MCC: variants seen among roughly 807,000 people sequenced by gnomAD.
The protein encoded by MCC is MCC regulator of Wnt signaling pathway.
A neutral mutation model predicts 116.2 loss-of-function variants in MCC; 90 were observed. The observed-to-expected ratio is 0.77, with a 90% CI of 0.65 to 0.92. The LOEUF is 0.92. Ranked by LOEUF, MCC falls within the 40% of genes least tolerant of loss-of-function variation. MCC has a pLI of 0.00. For missense variants in MCC, 1,516 were observed against 1,312.2 expected, an observed-to-expected ratio of 1.16 and a Z score of -2.40; for synonymous variants, 578 against 510.5, an observed-to-expected ratio of 1.13 and a Z score of -1.78.
At chr5:113,258,727 G>A (rs879033380) in intron 3 of MCC, among the ~76,000 whole-genome samples, 1 of 152,174 alleles carries the variant, frequency 6.6e-6, no homozygotes, top group Admixed American at 6.5e-5. Context: ...TTTAGTTTGT[G>A]GTGGCAGTAA....
intron 6 of MCC, among the ~76,000 whole-genome samples, chr5:113,110,045 C>T (rs1273725007): frequency 6.6e-6 from 1 of 152,122 alleles, no homozygotes; most frequent in African/African-American, 2.4e-5. Flanking sequence ...GAACGAACTC[C>T]TGGGCTCAAT....
At chr5:113,470,547 A>T (rs1479305379) in intron 1 of MCC, among the ~76,000 whole-genome samples, 2 of 152,168 alleles carry the variant, frequency 1.3e-5, no homozygotes, top group Non-Finnish European at 2.9e-5. Flanking sequence ...CTGCCGAGAG[A>T]TCAGCTGTTA....
chr5:113,372,646 A>G (rs1768863115), intron 2 of MCC, among the ~76,000 whole-genome samples: 1 of 152,222 alleles, frequency 6.6e-6, no homozygotes, highest in South Asian at 2.1e-4. Context: ...GTTTACACTA[A>G]GAATGAATGT....
rs547095551 is a variant in MCC, at chr5:113,315,535, C to G, written c.627+24984G>C. Among the ~76,000 whole-genome samples the G allele has an allele frequency of 2.6e-5, 4 of 152,090 alleles. No individual in the cohort carries two copies. In the South Asian group the frequency reaches 8.3e-4, roughly 32 times the overall value. Reference sequence around the variant, plus strand: ...TATGTTAAGTAATTTCAGCAGCATCCAAAAAGGTCAAATGCCCTTCATGTG... The same window carrying G: ...TATGTTAAGTAATTTCAGCAGCATCGAAAAAGGTCAAATGCCCTTCATGTG... On this transcript the variant is annotated intron_variant, in intron 3 of 18. Transcript: ENST00000408903.
intron 1 of MCC, among the ~76,000 whole-genome samples, chr5:113,443,473 T>A (rs977278372): frequency 6.6e-6 from 1 of 152,170 alleles, no homozygotes; most frequent in African/African-American, 2.4e-5. Flanking sequence ...CTTTTCCTAT[T>A]TGAATACCTT....
Position 113,085,161 on chromosome 5 carries a change from C to T in MCC, c.1545+3G>A, listed in dbSNP as rs1409958023. 1 of 1,614,178 alleles carries T rather than the reference C, an allele frequency of 6.2e-7. No homozygotes were observed. Among genetic ancestry groups the T allele is most frequent in the Admixed American group, 1.7e-5 (1 of 60,024 alleles). The stretch of plus-strand genomic sequence containing the variant: ...CTCATCGGGTCCATCCCCAGGAACT[C>T]ACCTTGGCGATGGGAATGTCATTGC... On this transcript the variant is annotated splice_donor_region_variant and intron_variant, in intron 9 of 18. Transcript: ENST00000408903.
intron 3 of MCC, among the ~76,000 whole-genome samples, chr5:113,228,221 T>C (rs1763816425): frequency 6.6e-6 from 1 of 152,166 alleles, no homozygotes; most frequent in African/African-American, 2.4e-5. Flanking sequence ...TGAGGCATGG[T>C]TTCTAATGTA....
At chr5:113,135,326 G>A (rs1183474409) in intron 5 of MCC, among the ~76,000 whole-genome samples, 10 of 149,400 alleles carry the variant, frequency 6.7e-5, no homozygotes, top group Non-Finnish European at 1.0e-4. Context: ...AGGCCGAGGC[G>A]GGTGGATCAC....
At chr5:113,343,984 T>C (rs1768073650) in intron 2 of MCC, among the ~76,000 whole-genome samples, 1 of 152,116 alleles carries the variant, frequency 6.6e-6, no homozygotes, top group Admixed American at 6.5e-5. Flanking sequence ...AGGTAAGCAA[T>C]CACAGTACCT....
intron 17 of MCC, among the ~76,000 whole-genome samples, chr5:113,031,866 G>A (rs936922278): frequency 1.3e-5 from 2 of 152,172 alleles, no homozygotes. Context: ...CTCAGACCCA[G>A]GCCAACCCCA....
intron 3 of MCC, among the ~76,000 whole-genome samples, chr5:113,212,223 G>C (rs552002955): frequency 6.6e-6 from 1 of 151,990 alleles, no homozygotes; most frequent in Non-Finnish European, 1.5e-5. Context: ...TTCATATATA[G>C]ACAATACACA....
chr5:113,472,005 G>A lies in MCC; in HGVS notation c.170+16240C>T, dbSNP rs375102115. On this transcript the variant is annotated intron_variant, in intron 1 of 18. Transcript: ENST00000408903. ...TCCTGGTGTGCCGTTTTTTAAGCCC[G>A]TTGGAAAAGTGCAGTATTAGGGTCG... Among the ~76,000 whole-genome samples, 34 of 152,198 alleles carry A rather than the reference G, an allele frequency of 2.2e-4. 1 individual carries two copies. In the East Asian group the frequency reaches 3.5e-3, roughly 16 times the overall value.
At position 113,145,737 on chromosome 5, in the gene MCC, TACACAC is replaced by T. The variant is rs558608537; in HGVS notation, c.742-2383_742-2378del. Among the ~76,000 whole-genome samples the T allele has an allele frequency of 1.5e-3, 190 of 123,522 alleles. 2 individuals are homozygous for T. Among genetic ancestry groups the T allele is most frequent in the African/African-American group, 5.1e-3 (180 of 35,234 alleles). 81.0% of individuals were successfully genotyped at this position (123,522 alleles called of 152,430 possible). A position where few individuals can be genotyped will look rare whatever the true frequency, so the allele number is the denominator to read the frequency against. On this transcript the variant is annotated intron_variant, in intron 4 of 18. Coordinates refer to ENST00000408903, the MANE Select transcript of MCC (RefSeq NM_001085377.2). ...CTTTTGTTTCTCTAATAAACTTGCT[TACACAC>T]ACACACACACACACACACACACACA...
chr5:113,451,816 A>G (rs1432284900), intron 1 of MCC, among the ~76,000 whole-genome samples: 1 of 152,208 alleles, frequency 6.6e-6, no homozygotes, highest in Non-Finnish European at 1.5e-5. Flanking sequence ...TCAACTATCC[A>G]CTGCTGTGTA....
At chr5:113,392,362 A>G (rs551802366) in intron 1 of MCC, among the ~76,000 whole-genome samples, 36 of 152,328 alleles carry the variant, frequency 2.4e-4, no homozygotes, top group African/African-American at 8.2e-4. Flanking sequence ...AGGAAAACGT[A>G]ATTTTAGAAA....
rs183786324 is a variant in MCC, at chr5:113,154,090, G to A, written c.628-2668C>T. Among the ~76,000 whole-genome samples the A allele has an allele frequency of 5.3e-5, 8 of 152,338 alleles. 1 individual carries two copies. In the South Asian group the frequency reaches 1.0e-3, roughly 20 times the overall value. On this transcript the variant is annotated intron_variant, in intron 3 of 18. Coordinates refer to ENST00000408903, the MANE Select transcript of MCC (RefSeq NM_001085377.2). ...AAGAGCATTCTCATGTTTTAGTGAT[G>A]GGCTTTGGGTGGTTTTAAGCTGTTT... is the stretch of plus-strand genomic sequence containing the variant.
chr5:113,167,972 T>C (rs1338930221), intron 3 of MCC, among the ~76,000 whole-genome samples: 2 of 152,188 alleles, frequency 1.3e-5, no homozygotes. Context: ...AAAAATTGCC[T>C]GCAGTCTCAG....
chr5:113,182,119 C>T (rs540080221), intron 3 of MCC, among the ~76,000 whole-genome samples: 2 of 152,328 alleles, frequency 1.3e-5, no homozygotes, highest in South Asian at 4.1e-4. Context: ...TTGTTCCTTA[C>T]CTGTCAATTT....
Position 113,025,401 on chromosome 5 carries a change from G to T in MCC, c.*1901C>A, listed in dbSNP as rs1750468634. On this transcript the variant is annotated 3_prime_UTR_variant, in exon 19 of 19. Transcript: ENST00000408903. Reference sequence around the variant, plus strand: ...CCAGCACTTTGGGAGGCCGAGGTGGGTGGATCAGTGGTCAGGAGTTCGAGA... The same window carrying T: ...CCAGCACTTTGGGAGGCCGAGGTGGTTGGATCAGTGGTCAGGAGTTCGAGA... 1 of 151,988 alleles carries T rather than the reference G, an allele frequency of 6.6e-6. No individual in the cohort carries two copies. Among genetic ancestry groups the T allele is most frequent in the Admixed American group, 6.6e-5 (1 of 15,256 alleles). The allele number at this position is 151,988 out of a possible 1,614,324, so 9.4% of individuals were successfully genotyped here.
Sources: gnomAD v4.1 joint callset for allele counts (sites outside exome capture counted in the v4.1 genomes callset) on GRCh38, gnomAD v4.1.1 for gene constraint, MANE v1.5 for transcripts, NCBI Gene and HGNC (gene_info 2026-07-23, HGNC 2026-07-21) for gene names.